NBEA: variants seen among roughly 807,000 people sequenced by gnomAD.
The protein encoded by NBEA is lysosomal-trafficking regulator 2.
Under a neutral mutation model 343.4 loss-of-function variants are expected in NBEA, and 44 were observed. The observed-to-expected ratio is 0.13, with a 90% CI of 0.10 to 0.16. The LOEUF is 0.16. NBEA is among the 10% of genes least tolerant of loss of function. The pLI is 1.00. For synonymous variants in NBEA, 1,175 were observed against 1,238.7 expected (o/e 0.95, Z 1.08); for missense variants, 2,555 against 3,631.3 (o/e 0.70, Z 7.62).
chr13:35,382,094 C>T (rs2042042667), intron 38 of NBEA, among the ~76,000 whole-genome samples: 1 of 151,948 alleles, frequency 6.6e-6, no homozygotes, highest in Admixed American at 6.6e-5. Context: ...CCATATAGTA[C>T]CTCTGAGTGA....
At chr13:35,059,761 C>CAG (rs59580233) in intron 8 of NBEA, among the ~76,000 whole-genome samples, 14,313 of 110,998 alleles carry the variant, frequency 0.13, 744 homozygotes, top group South Asian at 0.22. Flanking sequence ...TATATATATA[C>CAG]AGAGAGAGAG....
intron 41 of NBEA, chr13:35,475,151 T>C (rs1387163474): frequency 1.2e-6 from 2 of 1,613,962 alleles, no homozygotes; most frequent in Non-Finnish European, 1.7e-6. Context: ...GAGTGAGGTT[T>C]GCCTTGAAAC....
chr13:34,953,125 T>C (rs764111015), intron 1 of NBEA, among the ~76,000 whole-genome samples: 12 of 152,226 alleles, frequency 7.9e-5, no homozygotes, highest in Non-Finnish European at 1.8e-4. Flanking sequence ...CTATGTTATC[T>C]TATTTAATCA....
At chr13:35,161,238 CA>C (rs2152712663) in intron 22 of NBEA, among the ~76,000 whole-genome samples, 1 of 152,254 alleles carries the variant, frequency 6.6e-6, no homozygotes, top group East Asian at 1.9e-4. Context: ...AGTTTATAGA[CA>C]TTTTTCTGGT....
chr13:35,508,407 A>G (rs1275337271), intron 41 of NBEA, among the ~76,000 whole-genome samples: 3 of 152,186 alleles, frequency 2.0e-5, no homozygotes, highest in Non-Finnish European at 4.4e-5. Context: ...TTTCAAGCAG[A>G]TTTACTTTTC....
intron 38 of NBEA, among the ~76,000 whole-genome samples, chr13:35,402,895 G>A (rs986195766): frequency 2.0e-5 from 3 of 151,998 alleles, no homozygotes; most frequent in African/African-American, 7.2e-5. Flanking sequence ...GGCTAAAAGT[G>A]TTATTGGCAA....
At position 35,045,385 on chromosome 13, in the gene NBEA, C is replaced by T; in HGVS notation, c.707C>T (p.Pro236Leu). 6.2e-7 allele frequency: 1 copy of T among 1,609,270 alleles called. No homozygotes were observed. Among genetic ancestry groups the T allele is most frequent in the Non-Finnish European group, 8.5e-7 (1 of 1,177,388 alleles). The change falls in exon 4 of 59, where the codon CCT (proline) becomes CTT (leucine). Residue 236 changes from proline (P) to leucine (L), a missense_variant. Transcript: ENST00000379939. ...GGTCCTGATACTTTTTTCAATTTCC[C>T]TGGTTGTAGCGCTGCGGTAAGTTTT... The part of the protein sequence containing the change: ...RHGPDTFFNF[P>L]GCSAAAIALP...
At chr13:34,973,392 G>C (rs903057772) in intron 1 of NBEA, among the ~76,000 whole-genome samples, 10 of 151,070 alleles carry the variant, frequency 6.6e-5, no homozygotes, top group Non-Finnish European at 1.5e-4. Flanking sequence ...CTAGAGGCTA[G>C]AATGGCTAAG....
chr13:35,533,789 C>A (rs1342740949), intron 41 of NBEA, among the ~76,000 whole-genome samples: 3 of 152,116 alleles, frequency 2.0e-5, no homozygotes, highest in African/African-American at 7.2e-5. Context: ...GAGAAGCATA[C>A]ACTGGCACTC....
At position 35,452,156 on chromosome 13, in the gene NBEA, T is replaced by C; in HGVS notation, c.6369T>C (p.Asn2123=). Residue 2123 remains asparagine (N), a synonymous_variant, in exon 40 of 59, where the codon AAT becomes AAC. Coordinates refer to ENST00000379939, the MANE Select transcript of NBEA (RefSeq NM_001385012.1). ...GAAGTCAAGCAATAGTGAACCAAAA[T>C]GCAGAGACAGAACTTATGCTGGAAG... ...TFRSQAIVNQ[N]AETELMLEGD... The C allele has an allele frequency of 6.2e-7, 1 of 1,610,906 alleles. No homozygotes were observed. The highest frequency in any genetic ancestry group is 8.5e-7 in the Non-Finnish European group (1 of 1,178,158).
chr13:35,014,175 A>G (rs2061575170), intron 1 of NBEA, among the ~76,000 whole-genome samples: 1 of 152,102 alleles, frequency 6.6e-6, no homozygotes, highest in African/African-American at 2.4e-5. Context: ...GGTTCTGTGA[A>G]TTGTAGGGAC....
intron 18 of NBEA, among the ~76,000 whole-genome samples, chr13:35,153,303 G>A (rs1372940374): frequency 6.6e-6 from 1 of 152,004 alleles, no homozygotes; most frequent in Non-Finnish European, 1.5e-5. Context: ...AAAGTGCTGG[G>A]ATTACAGGTG....
chr13:35,631,413 T>TA (rs1183515701), intron 49 of NBEA, among the ~76,000 whole-genome samples: 1 of 152,102 alleles, frequency 6.6e-6, no homozygotes, highest in Non-Finnish European at 1.5e-5. Context: ...TTTAAGATAT[T>TA]AACCCTTTTA....
At chr13:35,669,446 A>G (rs1293967286) in intron 58 of NBEA, among the ~76,000 whole-genome samples, 2 of 152,212 alleles carry the variant, frequency 1.3e-5, no homozygotes, top group South Asian at 2.1e-4. Flanking sequence ...TCTTCACAAT[A>G]TAATAAAATG....
At chr13:35,179,799 T>G (rs894083890) in intron 28 of NBEA, 2 of 984,468 alleles carry the variant, frequency 2.0e-6, no homozygotes, top group Admixed American at 6.2e-5. Context: ...CTGTTCTTGG[T>G]TGGTATCTTT....
Position 35,117,456 on chromosome 13 carries a change from C to T in NBEA, c.2045C>T (p.Ala682Val). 7.2e-7 allele frequency: 1 copy of T among 1,380,888 alleles called. No individual in the cohort carries two copies. The highest frequency in any genetic ancestry group is 9.5e-7 in the Non-Finnish European group (1 of 1,054,676). The allele number at this position is 1,380,888 out of a possible 1,614,324, so 85.5% of individuals were successfully genotyped here. Reference protein sequence around the residue: ...PSQKEIISLRAFMLLFLKQLI... With the variant: ...PSQKEIISLRVFMLLFLKQLI... Reference sequence around the variant, plus strand: ...CAAAAAGAAATTATATCACTGAGGGCATTTATGCTACTTTTTCTGAAACAG... The same window carrying T: ...CAAAAAGAAATTATATCACTGAGGGTATTTATGCTACTTTTTCTGAAACAG... The change falls in exon 14 of 59, where the codon GCA becomes GTA. Residue 682 changes from alanine to valine, a missense_variant. This residue lies in a region of NBEA where 360 missense variants were observed against 519.1 expected (regional missense o/e 0.69). Coordinates refer to ENST00000379939, the MANE Select transcript of NBEA (RefSeq NM_001385012.1).
At chr13:35,089,910 T>G (rs1593309461) in intron 10 of NBEA, among the ~76,000 whole-genome samples, 1 of 85,812 alleles carries the variant, frequency 1.2e-5, no homozygotes. Flanking sequence ...GGGACTGTTG[T>G]GGGGTGGGGG....
chr13:35,357,754 A>G (rs1271456556), intron 38 of NBEA, among the ~76,000 whole-genome samples: 2 of 152,022 alleles, frequency 1.3e-5, no homozygotes, highest in Non-Finnish European at 2.9e-5. Context: ...TACCTTCCTG[A>G]TGTTCACCTT....
chr13:35,234,435 AT>A (rs1270558425), intron 34 of NBEA, among the ~76,000 whole-genome samples: 1 of 152,212 alleles, frequency 6.6e-6, no homozygotes, highest in Non-Finnish European at 1.5e-5. Context: ...TCATGTATTC[AT>A]TGATTCATTC....
Sources: gnomAD v4.1 joint callset for allele counts (sites outside exome capture counted in the v4.1 genomes callset) on GRCh38, gnomAD v4.1.1 for gene constraint, gnomAD v4.1.1 regional missense constraint, MANE v1.5 for transcripts, NCBI Gene and HGNC (gene_info 2026-07-23, HGNC 2026-07-21) for gene names.